OSBPL3: variants seen among roughly 807,000 people sequenced by gnomAD.
OSBPL3 encodes oxysterol binding protein like 3.
A neutral mutation model predicts 120.1 loss-of-function variants in OSBPL3; 65 were observed. That is an observed-to-expected ratio of 0.54 (90% CI 0.44 to 0.67). The LOEUF is 0.67. Among genes scored for constraint, OSBPL3 ranks in the 30% least tolerant of loss-of-function variants. OSBPL3 has a pLI of 0.00. For missense variants in OSBPL3, 1,004 were observed against 1,082.1 expected (o/e 0.93, Z 1.01); for synonymous variants, 416 against 402.6 (o/e 1.03, Z -0.40).
At chr7:24,949,364 T>C (rs369415923) in intron 1 of OSBPL3, among the ~76,000 whole-genome samples, 20 of 152,346 alleles carry the variant, frequency 1.3e-4, no homozygotes, top group East Asian at 7.7e-4. Context: ...ACAGCCATCA[T>C]AGTTTACCTG....
At chr7:24,910,062 T>C (rs1256788610) in intron 1 of OSBPL3, among the ~76,000 whole-genome samples, 1 of 152,112 alleles carries the variant, frequency 6.6e-6, no homozygotes, top group Non-Finnish European at 1.5e-5. Flanking sequence ...TGCCTCGGCC[T>C]CCCAAAGTGC....
At chr7:24,826,439 G>T (rs954870402) in intron 16 of OSBPL3, among the ~76,000 whole-genome samples, 2 of 152,124 alleles carry the variant, frequency 1.3e-5, no homozygotes, top group African/African-American at 4.8e-5. Context: ...GATTTTGCAT[G>T]GTGAGAACGA....
intron 1 of OSBPL3, among the ~76,000 whole-genome samples, chr7:24,977,953 T>C (rs1030449231): frequency 3.9e-5 from 6 of 152,230 alleles, no homozygotes; most frequent in African/African-American, 1.2e-4. Context: ...TATATCTCAA[T>C]AATAAAACAG....
At position 24,912,214 on chromosome 7, in the gene OSBPL3, G is replaced by C. The variant is rs1323177797; in HGVS notation, c.-149-19593C>G. Among the ~76,000 whole-genome samples, 1 of 152,152 alleles carries C rather than the reference G, an allele frequency of 6.6e-6. No homozygotes were observed. The highest frequency in any genetic ancestry group is 1.5e-5 in the Non-Finnish European group (1 of 68,030). On this transcript the variant is annotated intron_variant, in intron 1 of 22. Transcript: ENST00000313367. This position sits in a 1 kb window ranked among gnomAD's most constrained non-coding sequence, Gnocchi z 4.5. ...ATCAAACTTTAAAAATTTGTGGAAA[G>C]ATAGATCCTAATTCTTTAGGAGTTT...
At position 24,922,988 on chromosome 7, in the gene OSBPL3, A is replaced by G. The variant is rs1810583701; in HGVS notation, c.-149-30367T>C. 6.6e-6 allele frequency among the ~76,000 whole-genome samples: 1 copy of G among 152,198 alleles called. No individual in the cohort carries two copies. Among genetic ancestry groups the G allele is most frequent in the South Asian group, 2.1e-4 (1 of 4,836 alleles). ...GAATAAGAAAAAGAAAAAAACATATAAACATGACCATCAGAGATACTCTAC... is the reference window on the plus strand; with the variant it reads ...GAATAAGAAAAAGAAAAAAACATATGAACATGACCATCAGAGATACTCTAC... On this transcript the variant is annotated intron_variant, in intron 1 of 22. Coordinates refer to ENST00000313367, the MANE Select transcript of OSBPL3 (RefSeq NM_015550.4). This position sits in a 1 kb window ranked among gnomAD's most constrained non-coding sequence, Gnocchi z 4.3.
At chr7:24,836,501 A>T (rs2128186403) in intron 14 of OSBPL3, among the ~76,000 whole-genome samples, 1 of 152,206 alleles carries the variant, frequency 6.6e-6, no homozygotes, top group South Asian at 2.1e-4. Context: ...TTTACCTTTA[A>T]ATTTGGCCCA....
chr7:24,915,578 A>T (rs1017595766), intron 1 of OSBPL3, among the ~76,000 whole-genome samples: 5 of 144,308 alleles, frequency 3.5e-5, no homozygotes, highest in African/African-American at 7.6e-5. Context: ...CCAAACATTA[A>T]TTTTTTTTTT....
chr7:24,869,923 A>T (rs1801872670), intron 5 of OSBPL3, among the ~76,000 whole-genome samples: 1 of 152,222 alleles, frequency 6.6e-6, no homozygotes, highest in Admixed American at 6.5e-5. Context: ...CCAAGTAAGA[A>T]AACAGTCTTA....
chr7:24,878,903 C>T (rs1248196172), intron 2 of OSBPL3, among the ~76,000 whole-genome samples: 1 of 152,152 alleles, frequency 6.6e-6, no homozygotes, highest in Non-Finnish European at 1.5e-5. Flanking sequence ...TGCTGCTGGA[C>T]CATAAGCCCA....
rs879580940 is a variant in OSBPL3 at position 24,867,052 on chromosome 7, G to A, written c.382-815C>T. ...CCTGACCTGGTGATCTGCCCGCCTC[G>A]GCCTCCCAAAGTGCTGGGATTACAG... On this transcript the variant is annotated intron_variant, in intron 5 of 22. Coordinates refer to ENST00000313367, the MANE Select transcript of OSBPL3 (RefSeq NM_015550.4). The surrounding 1 kb of genome is among the most constrained non-coding windows in gnomAD (Gnocchi z 4.5). Among the ~76,000 whole-genome samples, 4 of 152,106 alleles carry A rather than the reference G, an allele frequency of 2.6e-5. No individual in the cohort carries two copies. The highest frequency in any genetic ancestry group is 4.4e-5 in the Non-Finnish European group (3 of 68,016).
chr7:24,884,269 A>T (rs1441010361), intron 2 of OSBPL3, among the ~76,000 whole-genome samples: 1 of 152,194 alleles, frequency 6.6e-6, no homozygotes, highest in African/African-American at 2.4e-5. Context: ...CATCTAAAGA[A>T]ACCCAGTGCT....
At chr7:24,928,426 C>T (rs771070030) in intron 1 of OSBPL3, among the ~76,000 whole-genome samples, 6 of 152,194 alleles carry the variant, frequency 3.9e-5, no homozygotes, top group South Asian at 2.1e-4. Context: ...CTCCTGACCT[C>T]GTGATCTGCC....
chr7:24,860,022 T>A (rs1291310426), intron 10 of OSBPL3, among the ~76,000 whole-genome samples: 1 of 152,180 alleles, frequency 6.6e-6, no homozygotes, highest in Admixed American at 6.5e-5. Flanking sequence ...ATCTTACACA[T>A]CTATGGTACA....
rs146624644 is a variant in OSBPL3, at chr7:24,806,995, T to C, written c.2318-93A>G. ...CTTTTTCGTCTCAGCCTAGCTACAA[T>C]TTTTCTCTCTCAGCTCCCTTCCATT... On this transcript the variant is annotated intron_variant, in intron 20 of 22. Coordinates refer to ENST00000313367, the MANE Select transcript of OSBPL3 (RefSeq NM_015550.4). This position sits in a 1 kb window ranked among gnomAD's most constrained non-coding sequence, Gnocchi z 5.2. 72 of 1,114,838 alleles carry C rather than the reference T, an allele frequency of 6.5e-5. No homozygotes were observed. The highest frequency in any genetic ancestry group is 9.0e-5 in the Non-Finnish European group (71 of 786,336). The allele number at this position is 1,114,838 out of a possible 1,614,324, so 69.1% of individuals were successfully genotyped here. A position where few individuals can be genotyped will look rare whatever the true frequency, so the allele number is the denominator to read the frequency against.
chr7:24,964,220 C>T lies in OSBPL3; in HGVS notation c.-150+15666G>A, dbSNP rs945597034. On this transcript the variant is annotated intron_variant, in intron 1 of 22. Transcript: ENST00000313367. This position sits in a 1 kb window ranked among gnomAD's most constrained non-coding sequence, Gnocchi z 4.2. ...CCTCAAGGAAGTGCAGTGTAACTCC[C>T]CACTCCTTAAGTATGAGCTGTGCAT... Among the ~76,000 whole-genome samples the T allele has an allele frequency of 9.2e-5, 14 of 152,072 alleles. No individual in the cohort carries two copies. The highest frequency in any genetic ancestry group is 7.2e-4 in the Admixed American group (11 of 15,276).
chr7:24,962,839 G>A (rs1177611994), intron 1 of OSBPL3, among the ~76,000 whole-genome samples: 3 of 152,188 alleles, frequency 2.0e-5, no homozygotes, highest in Admixed American at 6.5e-5. Flanking sequence ...TGCTGGATGA[G>A]TTTCTGTCAC....
At chr7:24,846,798 C>G (rs2128217805) in intron 12 of OSBPL3, among the ~76,000 whole-genome samples, 1 of 152,204 alleles carries the variant, frequency 6.6e-6, no homozygotes. Flanking sequence ...GGCGCAGTGG[C>G]TCATGCCTTT....
chr7:24,935,351 A>C (rs922861643), intron 1 of OSBPL3, among the ~76,000 whole-genome samples: 12 of 152,154 alleles, frequency 7.9e-5, no homozygotes, highest in African/African-American at 2.9e-4. Context: ...TAAGCTACAG[A>C]ACTTACTCAG....
rs1209040852 is a variant in OSBPL3, at chr7:24,877,407, T to C, written c.97-5338A>G. ...CCAAGTCTTCGCCATTCATTTTTTT[T>C]CATATTTGGAAAGCCTGCCCCATCT... On this transcript the variant is annotated intron_variant, in intron 2 of 22. Transcript: ENST00000313367. This position sits in a 1 kb window ranked among gnomAD's most constrained non-coding sequence, Gnocchi z 4.8. Among the ~76,000 whole-genome samples, 2 of 152,162 alleles carry C rather than the reference T, an allele frequency of 1.3e-5. No homozygotes were observed. The highest frequency in any genetic ancestry group is 2.9e-5 in the Non-Finnish European group (2 of 68,024).
Sources: allele counts gnomAD v4.1 joint callset (sites outside exome capture counted in the v4.1 genomes callset), GRCh38; gene constraint gnomAD v4.1.1; non-coding constraint Gnocchi (gnomAD v3.1); transcripts MANE v1.5; gene names NCBI Gene and HGNC (gene_info 2026-07-23, HGNC 2026-07-21).